RBM18: variants seen among roughly 807,000 people sequenced by gnomAD.
RBM18 encodes RNA binding motif protein 18.
A neutral mutation model predicts 26.4 loss-of-function variants in RBM18; 18 were observed. The observed-to-expected ratio is 0.68, with a 90% confidence interval of 0.47 to 1.01. The LOEUF (loss-of-function observed/expected upper bound fraction) is 1.01, where lower values mean the gene tolerates loss of function less well. RBM18 is among the 50% of genes least tolerant of loss of function. The probability of loss-of-function intolerance (pLI) is 0.00; values close to 1 mark genes in which losing one functional copy is unlikely to be tolerated. For missense variants in RBM18, 180 were observed against 219.2 expected, an observed-to-expected ratio of 0.82 and a Z score of 1.13; for synonymous variants, 74 against 81.1, an observed-to-expected ratio of 0.91 and a Z score of 0.47.
At chr9:122,259,275 C>T (rs1165653766) in intron 2 of RBM18, among the ~76,000 whole-genome samples, 4 of 152,196 alleles carry the variant, frequency 2.6e-5, no homozygotes, top group Non-Finnish European at 5.9e-5. Flanking sequence ...ACACAACCAA[C>T]GCTGTTTCCA....
chr9:122,250,020 T>C (rs1019331026), intron 3 of RBM18, among the ~76,000 whole-genome samples: 3 of 138,298 alleles, frequency 2.2e-5, no homozygotes, highest in African/African-American at 8.2e-5. Flanking sequence ...CAGTGGGTCA[T>C]GATTGTGTCA....
At chr9:122,248,699 C>T (rs1020995617) in intron 3 of RBM18, among the ~76,000 whole-genome samples, 4 of 152,226 alleles carry the variant, frequency 2.6e-5, no homozygotes, top group Non-Finnish European at 4.4e-5. Flanking sequence ...TACTTTCCAT[C>T]CTGCCAAACC....
rs138776006 is a variant in RBM18, at chr9:122,253,589, T to C, written c.114-1616A>G. On this transcript the variant is annotated intron_variant, in intron 2 of 5. Transcript: ENST00000417201. The stretch of plus-strand genomic sequence containing the variant: ...CAGGCTTACAGCAAGGGTGAGTCTC[T>C]CACACACAAAGATGGGCGAGAAGAG... 1.7e-3 allele frequency among the ~76,000 whole-genome samples: 259 copies of C among 152,176 alleles called. 1 individual carries two copies. Among genetic ancestry groups the C allele is most frequent in the African/African-American group, 5.9e-3 (247 of 41,516 alleles).
intron 3 of RBM18, among the ~76,000 whole-genome samples, chr9:122,250,670 T>C (rs1295705870): frequency 2.0e-5 from 3 of 152,152 alleles, no homozygotes; most frequent in South Asian, 4.1e-4. Flanking sequence ...TTAGTATACT[T>C]TGAATGATAA....
chr9:122,263,711 T>C (rs1831880417), intron 1 of RBM18, among the ~76,000 whole-genome samples: 1 of 152,134 alleles, frequency 6.6e-6, no homozygotes, highest in South Asian at 2.1e-4. Flanking sequence ...CTAAAGGAGA[T>C]GACATTTGGG....
intron 2 of RBM18, among the ~76,000 whole-genome samples, chr9:122,257,247 T>C (rs891898604): frequency 2.0e-5 from 3 of 152,176 alleles, no homozygotes; most frequent in Admixed American, 1.3e-4. Context: ...GTTCACGCCA[T>C]TCTCCTGCCT....
intron 2 of RBM18, among the ~76,000 whole-genome samples, chr9:122,255,667 C>A (rs1831681682): frequency 6.6e-6 from 1 of 152,172 alleles, no homozygotes; most frequent in South Asian, 2.1e-4. Flanking sequence ...ACTCATCAGT[C>A]TCCAAGTTCA....
At chr9:122,259,990 G>T (rs145614535) in intron 2 of RBM18, among the ~76,000 whole-genome samples, 1 of 151,890 alleles carries the variant, frequency 6.6e-6, no homozygotes, top group African/African-American at 2.4e-5. Flanking sequence ...CACTGTGCCC[G>T]GCCTCCCCTT....
intron 2 of RBM18, among the ~76,000 whole-genome samples, chr9:122,255,088 T>C (rs1027989957): frequency 6.6e-6 from 1 of 152,238 alleles, no homozygotes; most frequent in African/African-American, 2.4e-5. Flanking sequence ...AATTTCGGGT[T>C]GTAGGCAATT....
chr9:122,247,642 A>G, intron 3 of RBM18, 38 bp from the exon 4 acceptor site: 1 of 1,488,126 alleles, frequency 6.7e-7, no homozygotes. Flanking sequence ...TAAAAACTGA[A>G]ATGCTTAACT....
rs371812381 is a variant in RBM18, at chr9:122,261,502, T to C, written c.-10A>G. On this transcript the variant is annotated 5_prime_UTR_variant, in exon 2 of 6. Transcript: ENST00000417201. ...TGGTTTCTGCTTCCATCAATGTCTA[T>C]GAAATACTAAAGGAAATGTGAACAT... is the stretch of plus-strand genomic sequence containing the variant. 14 of 1,578,420 alleles carry C rather than the reference T, an allele frequency of 8.9e-6. No homozygotes were observed. Among genetic ancestry groups the C allele is most frequent in the African/African-American group, 6.7e-5 (5 of 74,286 alleles).
In RBM18 at chr9:122,252,755, G is replaced by C. The variant is rs577414540; in HGVS notation, c.114-782C>G. ...AGGGTACGGTCAAGTAAAGAATACA[G>C]ATGGTCAAGGGAGAAATTTATTCCT... On this transcript the variant is annotated intron_variant, in intron 2 of 5. Coordinates refer to ENST00000417201, the MANE Select transcript of RBM18 (RefSeq NM_033117.4). Among the ~76,000 whole-genome samples, 165 of 152,346 alleles carry C rather than the reference G, an allele frequency of 1.1e-3. 1 individual carries two copies. Among genetic ancestry groups the C allele is most frequent in the African/African-American group, 3.8e-3 (158 of 41,570 alleles).
Position 122,261,360 on chromosome 9 carries a change from C to T in RBM18, c.113+20G>A. ...ACATCCCAATATTGTAGGTAAAAAACTAAGGTAACTTAGACTTACTCGGTA... is the reference window on the plus strand; with the variant it reads ...ACATCCCAATATTGTAGGTAAAAAATTAAGGTAACTTAGACTTACTCGGTA... On this transcript the variant is annotated intron_variant, in intron 2 of 5. Coordinates refer to ENST00000417201, the MANE Select transcript of RBM18 (RefSeq NM_033117.4). 4 of 1,554,576 alleles carry T rather than the reference C, an allele frequency of 2.6e-6. No individual in the cohort carries two copies. Among genetic ancestry groups the T allele is most frequent in the Non-Finnish European group, 3.6e-6 (4 of 1,125,712 alleles).
rs1204066300 is a variant in RBM18 at position 122,237,886 on chromosome 9, G to A, written c.*3998C>T. On this transcript the variant is annotated 3_prime_UTR_variant, in exon 6 of 6. Transcript: ENST00000417201. ...TCTAATAGTTATTAACATACACTGA[G>A]ATTTGAATTTCGTATCATTTTCATG... The A allele has an allele frequency of 6.6e-6, 1 of 152,076 alleles. No homozygotes were observed. The highest frequency in any genetic ancestry group is 1.5e-5 in the Non-Finnish European group (1 of 68,024). 9.4% of individuals were successfully genotyped at this position (152,076 alleles called of 1,614,324 possible).
chr9:122,243,832 G>A, intron 5 of RBM18: 1 of 984,468 alleles, frequency 1.0e-6, no homozygotes, highest in Non-Finnish European at 1.2e-6. Context: ...CTCTCATTAG[G>A]CATAGATGTT....
rs770931126 is a variant in RBM18 at position 122,245,336 on chromosome 9, A to T, written c.333T>A (p.Tyr111Ter). 1 of 1,601,190 alleles carries T rather than the reference A, an allele frequency of 6.2e-7. No homozygotes were observed. Among genetic ancestry groups the T allele is most frequent in the Non-Finnish European group, 8.6e-7 (1 of 1,168,702 alleles). The change falls in exon 5 of 6, where the codon TAT becomes TAA. Residue 111 changes from tyrosine (Y) to a stop codon, truncating the protein, a stop_gained. Coordinates refer to ENST00000417201, the MANE Select transcript of RBM18 (RefSeq NM_033117.4). LOFTEE classifies it high-confidence loss of function. ...GAATCTTATCATTCTTGTTATGATC[A>T]TATCTCTGAAAATGAGAAATAGAGA... ...VRWAHAQVKR[Y>*]DHNKNDKILP... is the part of the protein sequence containing the mutation.
chr9:122,255,892 G>A (rs982830339), intron 2 of RBM18, among the ~76,000 whole-genome samples: 5 of 151,826 alleles, frequency 3.3e-5, no homozygotes, highest in Non-Finnish European at 7.4e-5. Context: ...CCAGCTACTC[G>A]GGAGGCTGAG....
Position 122,255,722 on chromosome 9 carries a change from C to T in RBM18, c.114-3749G>A, listed in dbSNP as rs147951730. Among the ~76,000 whole-genome samples the T allele has an allele frequency of 7.2e-5, 11 of 152,288 alleles. No homozygotes were observed. In the East Asian group the frequency reaches 1.3e-3, roughly 19 times the overall value. ...AATCGATGGCCAGACTGGTTCATGG[C>T]GATCTCTCTTAGCTAATCTTCATCT... On this transcript the variant is annotated intron_variant, in intron 2 of 5. Transcript: ENST00000417201.
At chr9:122,248,961 T>C (rs1221728604) in intron 3 of RBM18, among the ~76,000 whole-genome samples, 1 of 152,192 alleles carries the variant, frequency 6.6e-6, no homozygotes, top group Non-Finnish European at 1.5e-5. Flanking sequence ...TCACTAATCA[T>C]CCTTGCCCCA....
Sources: gnomAD v4.1 joint callset for allele counts (sites outside exome capture counted in the v4.1 genomes callset) on GRCh38, gnomAD v4.1.1 for gene constraint, MANE v1.5 for transcripts, NCBI Gene and HGNC (gene_info 2026-07-23, HGNC 2026-07-21) for gene names.